STUM: variants seen among roughly 807,000 people sequenced by gnomAD.
STUM encodes the protein protein stum homolog.
In STUM, 8 loss-of-function variants were observed where a neutral mutation model predicts 15.3. The ratio of observed to expected loss-of-function variants is 0.52; its 90% CI spans 0.31 to 0.94. The LOEUF is 0.94. Among genes scored for constraint, STUM ranks in the 40% least tolerant of loss-of-function variants. The probability of loss-of-function intolerance (pLI) is 0.05; values close to 1 mark genes in which losing one functional copy is unlikely to be tolerated. For missense variants in STUM, 142 were observed against 204.9 expected (o/e 0.69, Z 1.87); for synonymous variants, 78 against 88.7 (o/e 0.88, Z 0.68).
At chr1:226,579,735 C>T (rs1667889040) in intron 1 of STUM, among the ~76,000 whole-genome samples, 1 of 151,582 alleles carries the variant, frequency 6.6e-6, no homozygotes, top group Non-Finnish European at 1.5e-5. Context: ...CTCAATCCAT[C>T]CTCCCACCCA....
chr1:226,569,397 C>T (rs1667671299), intron 1 of STUM, among the ~76,000 whole-genome samples: 1 of 152,172 alleles, frequency 6.6e-6, no homozygotes, highest in Non-Finnish European at 1.5e-5. Context: ...AGGCTGTGAG[C>T]CTGTTGAGCA....
intron 1 of STUM, among the ~76,000 whole-genome samples, chr1:226,553,357 A>C (rs564741184): frequency 5.5e-4 from 84 of 152,360 alleles, no homozygotes; most frequent in African/African-American, 1.9e-3. Context: ...AAAACCACCC[A>C]AACAAAACAG....
chr1:226,599,475 A>C (rs1177100167), intron 2 of STUM, among the ~76,000 whole-genome samples: 1 of 152,246 alleles, frequency 6.6e-6, no homozygotes, highest in Non-Finnish European at 1.5e-5. Flanking sequence ...TTTCTATCCT[A>C]GAAGACAGTT....
At position 226,602,002 on chromosome 1, in the gene STUM, A is replaced by C; in HGVS notation, c.392-4A>C. The C allele has an allele frequency of 3.1e-6, 5 of 1,609,802 alleles. No individual in the cohort carries two copies. In the South Asian group the frequency reaches 4.4e-5, roughly 14 times the overall value. ...ACCATCTCTCCTTTGCTTCTTCCTC[A>C]CAGGCTACAAGGAGCAGGGCATCCC... On this transcript the variant is annotated splice_region_variant and splice_polypyrimidine_tract_variant and intron_variant, in intron 3 of 3. Transcript: ENST00000366788.
chr1:226,597,619 T>C (rs1375706639), intron 2 of STUM, among the ~76,000 whole-genome samples: 2 of 152,118 alleles, frequency 1.3e-5, no homozygotes, highest in Non-Finnish European at 2.9e-5. Context: ...CCTAGAATTA[T>C]GTAGAATGAT....
chr1:226,591,332 T>C (rs1160769919), intron 1 of STUM, among the ~76,000 whole-genome samples: 1 of 152,216 alleles, frequency 6.6e-6, no homozygotes, highest in Non-Finnish European at 1.5e-5. Flanking sequence ...TCAGTATGTG[T>C]ATAAGGTTAT....
At position 226,572,638 on chromosome 1, in the gene STUM, G is replaced by A. The variant is rs555490743; in HGVS notation, c.202+23532G>A. ...CCTGAGTTCCCCAAGTCCCTGAGTC[G>A]GCCTTTGGGCAGCATTCCTGGGACT... is the stretch of plus-strand genomic sequence containing the variant. On this transcript the variant is annotated intron_variant, in intron 1 of 3. Coordinates refer to ENST00000366788, the MANE Select transcript of STUM (RefSeq NM_001003665.4). Among the ~76,000 whole-genome samples the A allele has an allele frequency of 9.2e-5, 14 of 152,316 alleles. No homozygotes were observed. The East Asian group carries it at 2.1e-3, about 23-fold the overall frequency.
At chr1:226,579,977 C>T (rs1667893258) in intron 1 of STUM, among the ~76,000 whole-genome samples, 1 of 152,154 alleles carries the variant, frequency 6.6e-6, no homozygotes, top group Admixed American at 6.5e-5. Context: ...ATCATATCTG[C>T]ATCTTGAAAA....
At chr1:226,572,945 C>G (rs932619138) in intron 1 of STUM, among the ~76,000 whole-genome samples, 1 of 152,194 alleles carries the variant, frequency 6.6e-6, no homozygotes, top group Non-Finnish European at 1.5e-5. Context: ...GGTGGCAGAG[C>G]CAGGGCTAGA....
chr1:226,574,689 A>G (rs1015085767), intron 1 of STUM, among the ~76,000 whole-genome samples: 21 of 152,374 alleles, frequency 1.4e-4, no homozygotes, highest in Non-Finnish European at 2.9e-4. Context: ...GATGCGAAGT[A>G]GGCCAAAGTG....
intron 1 of STUM, among the ~76,000 whole-genome samples, chr1:226,573,579 C>A (rs956353213): frequency 1.3e-5 from 2 of 152,250 alleles, no homozygotes; most frequent in East Asian, 3.9e-4. Context: ...CATGGTGACT[C>A]ATAGTGATCC....
At chr1:226,583,867 G>A (rs1314400025) in intron 1 of STUM, among the ~76,000 whole-genome samples, 1 of 152,178 alleles carries the variant, frequency 6.6e-6, no homozygotes, top group Non-Finnish European at 1.5e-5. Context: ...GATTCTAGAT[G>A]CTAAATGATT....
At chr1:226,594,656 ATTTT>A (rs369688104) in intron 1 of STUM, among the ~76,000 whole-genome samples, 4 of 149,894 alleles carry the variant, frequency 2.7e-5, no homozygotes, top group African/African-American at 9.8e-5. Flanking sequence ...ATGGAAGGAG[ATTTT>A]TTTTTTCTTT....
chr1:226,568,828 G>T (rs1261208715), intron 1 of STUM, among the ~76,000 whole-genome samples: 1 of 152,272 alleles, frequency 6.6e-6, no homozygotes, highest in Non-Finnish European at 1.5e-5. Flanking sequence ...GACAGACCTT[G>T]CTCCTGGTGC....
In STUM at chr1:226,604,024, G is replaced by A. The variant is rs1328161018; in HGVS notation, c.*1984G>A. 9.2e-5 allele frequency: 14 copies of A among 152,354 alleles called. No homozygotes were observed. Among genetic ancestry groups the A allele is most frequent in the African/African-American group, 2.9e-4 (12 of 41,408 alleles). 9.4% of individuals were successfully genotyped at this position (152,354 alleles called of 1,614,324 possible). On this transcript the variant is annotated 3_prime_UTR_variant, in exon 4 of 4. Transcript: ENST00000366788. The surrounding 1 kb of genome is among the most constrained non-coding windows in gnomAD (Gnocchi z 4.7). Reference sequence around the variant, plus strand: ...GCTGCCCCTCTACTCAGATAAAATAGCTTCAGCTGCAGGAAGCCGCCCCCT... The same window carrying A: ...GCTGCCCCTCTACTCAGATAAAATAACTTCAGCTGCAGGAAGCCGCCCCCT...
At chr1:226,577,425 G>A (rs74139705) in intron 1 of STUM, among the ~76,000 whole-genome samples, 4,076 of 152,124 alleles carry the variant, frequency 0.027, 155 homozygotes, top group African/African-American at 0.087. Flanking sequence ...ATGAAGCCTC[G>A]GGAAGTCTCC....
chr1:226,589,346 C>T (rs1382658145), intron 1 of STUM, among the ~76,000 whole-genome samples: 2 of 152,218 alleles, frequency 1.3e-5, no homozygotes, highest in African/African-American at 4.8e-5. Context: ...AGCCAAGCTC[C>T]AGGAACTCTC....
intron 1 of STUM, among the ~76,000 whole-genome samples, chr1:226,585,827 T>G (rs1667987535): frequency 6.6e-6 from 1 of 152,168 alleles, no homozygotes; most frequent in Admixed American, 6.5e-5. Flanking sequence ...GGGACATGTC[T>G]TAGTTCAGGC....
chr1:226,585,011 C>T (rs837919), intron 1 of STUM, among the ~76,000 whole-genome samples: 110,985 of 152,154 alleles, frequency 0.73, 41,026 homozygotes, highest in African/African-American at 0.85. Context: ...CCACACAATA[C>T]ACTTTCTATT....
Sources: allele counts gnomAD v4.1 joint callset (sites outside exome capture counted in the v4.1 genomes callset), GRCh38; gene constraint gnomAD v4.1.1; non-coding constraint Gnocchi (gnomAD v3.1); transcripts MANE v1.5; gene names NCBI Gene and HGNC (gene_info 2026-07-23, HGNC 2026-07-21).